Variants in PAFAH1B1 observed in about 807,000 individuals in gnomAD.
The protein encoded by PAFAH1B1 is platelet activating factor acetylhydrolase 1b regulatory subunit 1.
In PAFAH1B1, 2 loss-of-function variants were observed where a neutral mutation model predicts 57.5. The ratio of observed to expected loss-of-function variants is 0.03; its 90% CI spans 0.01 to 0.11. PAFAH1B1 has a LOEUF of 0.11. Ranked by LOEUF, PAFAH1B1 falls within the 10% of genes least tolerant of loss-of-function variation. The pLI is 1.00. For synonymous variants in PAFAH1B1, 152 were observed against 169.6 expected (o/e 0.90, Z 0.81); for missense variants, 257 against 512.0 (o/e 0.50, Z 4.81).
intron 1 of PAFAH1B1, among the ~76,000 whole-genome samples, chr17:2,623,242 G>A (rs1295301030): frequency 6.7e-6 from 1 of 149,302 alleles, no homozygotes; most frequent in Non-Finnish European, 1.5e-5. Context: ...TTTCTCCCCA[G>A]AAAATGGGTT....
chr17:2,637,427 T>C lies in PAFAH1B1; in HGVS notation c.-190-672T>C, dbSNP rs543989577. On this transcript the variant is annotated intron_variant, in intron 1 of 10. Transcript: ENST00000397195. ...GAGACCTGTCTCTACAAAAAAAAAA[T>C]TTAAGAATTAGCTGGGCATGGTGGT... Among the ~76,000 whole-genome samples, 455 of 151,804 alleles carry C rather than the reference T, an allele frequency of 3.0e-3. 1 individual carries two copies. The highest frequency in any genetic ancestry group is 9.8e-3 in the African/African-American group (405 of 41,424).
chr17:2,653,693 G>A (rs1270647806), intron 2 of PAFAH1B1, among the ~76,000 whole-genome samples: 1 of 152,042 alleles, frequency 6.6e-6, no homozygotes, highest in Non-Finnish European at 1.5e-5. Flanking sequence ...TGGATAGTAA[G>A]GTTGAAATAA....
chr17:2,656,737 T>C (rs2068940935), intron 2 of PAFAH1B1, among the ~76,000 whole-genome samples: 1 of 152,236 alleles, frequency 6.6e-6, no homozygotes, highest in South Asian at 2.1e-4. Flanking sequence ...TGACTTACTA[T>C]ACAGTGGTCT....
chr17:2,650,927 A>G (rs1344517743), intron 2 of PAFAH1B1, among the ~76,000 whole-genome samples: 3 of 152,182 alleles, frequency 2.0e-5, no homozygotes, highest in Non-Finnish European at 4.4e-5. Context: ...GTTGCAGAGA[A>G]GTGTCACAGA....
chr17:2,670,074 A>G, intron 5 of PAFAH1B1, 89 bp from the exon 6 acceptor site: 2 of 1,004,890 alleles, frequency 2.0e-6, no homozygotes, highest in South Asian at 2.6e-5. Context: ...GTTACTCAGT[A>G]AGGTGCCAGA....
At chr17:2,664,657 TATCTATCG>T (rs2069072840) in intron 2 of PAFAH1B1, among the ~76,000 whole-genome samples, 1 of 137,588 alleles carries the variant, frequency 7.3e-6, no homozygotes, top group Non-Finnish European at 1.6e-5. Context: ...TATCTATATC[TATCTATCG>T]CTCTCTCTCT....
intron 9 of PAFAH1B1, among the ~76,000 whole-genome samples, chr17:2,678,713 C>T (rs1233768506): frequency 6.6e-6 from 1 of 152,122 alleles, no homozygotes; most frequent in African/African-American, 2.4e-5. Flanking sequence ...GACCCTGTCT[C>T]TACCAAAATA....
In PAFAH1B1 at chr17:2,684,519, CTGTGTGTGTG is replaced by C. The variant is rs147133263; in HGVS notation, c.*2722_*2731del. The C allele has an allele frequency of 2.0e-5, 3 of 152,488 alleles. No individual in the cohort carries two copies. Among genetic ancestry groups the C allele is most frequent in the African/African-American group, 7.2e-5 (3 of 41,492 alleles). The allele number at this position is 152,488 out of a possible 1,614,324, so 9.4% of individuals were successfully genotyped here. On this transcript the variant is annotated 3_prime_UTR_variant, in exon 11 of 11. Coordinates refer to ENST00000397195, the MANE Select transcript of PAFAH1B1 (RefSeq NM_000430.4). ...AATTGCATCCTCAGATGATTATTGA[CTGTGTGTGTG>C]TGTGAAAACAGACATTCCAGTGCCA...
In PAFAH1B1 at chr17:2,682,934, G is replaced by C. The variant is rs554822163; in HGVS notation, c.*1132G>C. 6 of 152,708 alleles carry C rather than the reference G, an allele frequency of 3.9e-5. No homozygotes were observed. The highest frequency in any genetic ancestry group is 7.2e-5 in the African/African-American group (3 of 41,548). The allele number at this position is 152,708 out of a possible 1,614,324, so 9.5% of individuals were successfully genotyped here. A position where few individuals can be genotyped will look rare whatever the true frequency, so the allele number is the denominator to read the frequency against. ...AAGTATATGGGCCTATCTGTAAGTG[G>C]ATAAGTCTGTATGTGTGTATCATAC... is the stretch of plus-strand genomic sequence containing the variant. On this transcript the variant is annotated 3_prime_UTR_variant, in exon 11 of 11. Transcript: ENST00000397195.
chr17:2,624,613 G>A (rs2151625411), intron 1 of PAFAH1B1, among the ~76,000 whole-genome samples: 1 of 152,276 alleles, frequency 6.6e-6, no homozygotes, highest in African/African-American at 2.4e-5. Flanking sequence ...CAATAGCACA[G>A]GAAAGACTGG....
chr17:2,594,507 CG>C (rs1257609830), intron 1 of PAFAH1B1, among the ~76,000 whole-genome samples: 2 of 152,162 alleles, frequency 1.3e-5, no homozygotes, highest in Admixed American at 6.5e-5. Flanking sequence ...GGCTCAGCCC[CG>C]CGCCGCCGGG....
At chr17:2,603,978 C>T (rs568212564) in intron 1 of PAFAH1B1, among the ~76,000 whole-genome samples, 1 of 152,202 alleles carries the variant, frequency 6.6e-6, no homozygotes, top group East Asian at 1.9e-4. Flanking sequence ...CCCCGTGATC[C>T]TCCCACCTTG....
At chr17:2,671,795 G>A (rs1157370874) in intron 6 of PAFAH1B1, among the ~76,000 whole-genome samples, 1 of 151,546 alleles carries the variant, frequency 6.6e-6, no homozygotes, top group Non-Finnish European at 1.5e-5. Context: ...TAGAAACAGG[G>A]TTTAACCATA....
intron 2 of PAFAH1B1, among the ~76,000 whole-genome samples, chr17:2,648,925 A>G (rs1381577932): frequency 1.3e-5 from 2 of 151,878 alleles, no homozygotes; most frequent in African/African-American, 4.8e-5. Context: ...ATTTCAGTAT[A>G]TATTTGAGAT....
intron 5 of PAFAH1B1, among the ~76,000 whole-genome samples, chr17:2,669,321 G>T (rs1291173776): frequency 6.7e-6 from 1 of 149,836 alleles, no homozygotes; most frequent in Non-Finnish European, 1.5e-5. Context: ...CTGGAGTGCA[G>T]TGGTATGATC....
At chr17:2,639,892 T>C (rs1402027918) in intron 2 of PAFAH1B1, 1 of 152,076 alleles carries the variant, frequency 6.6e-6, no homozygotes, top group Non-Finnish European at 1.5e-5. Flanking sequence ...ATGTTCTATA[T>C]TTTTACAATT....
intron 7 of PAFAH1B1, 42 bp from the exon 8 acceptor site, chr17:2,674,018 A>C (rs1237934256): frequency 1.4e-6 from 2 of 1,396,698 alleles, no homozygotes; most frequent in African/African-American, 2.8e-5. Flanking sequence ...AAGTGTCCTG[A>C]TGATTGTCAT....
At chr17:2,633,037 T>A (rs746117136) in intron 1 of PAFAH1B1, among the ~76,000 whole-genome samples, 1 of 152,348 alleles carries the variant, frequency 6.6e-6, no homozygotes. Flanking sequence ...TATATAGATA[T>A]ATAACTATAA....
intron 2 of PAFAH1B1, among the ~76,000 whole-genome samples, chr17:2,652,363 C>T (rs557525254): frequency 2.4e-4 from 37 of 152,330 alleles, no homozygotes; most frequent in South Asian, 8.3e-4. Flanking sequence ...TGCAGTGAGC[C>T]AAGATCGCGC....
Sources: allele counts gnomAD v4.1 joint callset (sites outside exome capture counted in the v4.1 genomes callset), GRCh38; gene constraint gnomAD v4.1.1; transcripts MANE v1.5; gene names NCBI Gene and HGNC (gene_info 2026-07-23, HGNC 2026-07-21).